Variants in SNRK observed in about 807,000 individuals in gnomAD.
SNRK encodes the protein SNF-related serine/threonine-protein kinase.
In SNRK, 3 loss-of-function variants were observed where a neutral mutation model predicts 48.2. The observed-to-expected ratio is 0.06, with a 90% CI of 0.03 to 0.16. The LOEUF is 0.16. Among genes scored for constraint, SNRK ranks in the 10% least tolerant of loss-of-function variants. The pLI, the probability that SNRK is intolerant of heterozygous loss-of-function variation, is 1.00. For synonymous variants in SNRK, 376 were observed against 366.1 expected (o/e 1.03, Z -0.31); for missense variants, 627 against 976.0 (o/e 0.64, Z 4.76).
Position 43,348,221 on chromosome 3 carries a change from C to T in SNRK, c.1962C>T (p.Leu654=), listed in dbSNP as rs780522476. The T allele has an allele frequency of 1.6e-5, 26 of 1,611,342 alleles. No individual in the cohort carries two copies. The highest frequency in any genetic ancestry group is 1.1e-4 in the South Asian group (10 of 90,720). ...VESLKLMSLC[L]GSQLHGSTKY... is the part of the protein sequence containing the mutation. Reference sequence around the variant, plus strand: ...GCCTCAAACTCATGAGCCTCTGCCTCGGCTCCCAGCTTCATGGGAGCACCA... The same window carrying T: ...GCCTCAAACTCATGAGCCTCTGCCTTGGCTCCCAGCTTCATGGGAGCACCA... The change falls in exon 7 of 7, where the codon CTC becomes CTT. Residue 654 remains leucine, a synonymous_variant. Coordinates refer to ENST00000296088, the MANE Select transcript of SNRK (RefSeq NM_017719.5).
At chr3:43,322,702 G>A (rs940767712) in intron 3 of SNRK, among the ~76,000 whole-genome samples, 5 of 151,942 alleles carry the variant, frequency 3.3e-5, no homozygotes, top group South Asian at 4.1e-4. Context: ...CCTGTAATCC[G>A]AGCACTTTGG....
chr3:43,346,377 C>T (rs2091276207), intron 6 of SNRK, among the ~76,000 whole-genome samples: 1 of 152,072 alleles, frequency 6.6e-6, no homozygotes, highest in Non-Finnish European at 1.5e-5. Flanking sequence ...GACTATACCC[C>T]CCTGGGGAGA....
At chr3:43,339,989 G>T (rs957050709) in intron 4 of SNRK, among the ~76,000 whole-genome samples, 3 of 150,390 alleles carry the variant, frequency 2.0e-5, no homozygotes, top group African/African-American at 7.3e-5. Context: ...ATTTAATTCT[G>T]GTATGTCACT....
intron 1 of SNRK, among the ~76,000 whole-genome samples, chr3:43,288,417 A>T (rs2090782974): frequency 6.6e-6 from 1 of 152,180 alleles, no homozygotes; most frequent in South Asian, 2.1e-4. Context: ...GACCAGAAGT[A>T]TAGGTTGGGT....
chr3:43,292,749 T>C (rs933915545), intron 1 of SNRK, among the ~76,000 whole-genome samples: 9 of 152,258 alleles, frequency 5.9e-5, no homozygotes, highest in Non-Finnish European at 1.3e-4. Context: ...GTCTGTGGGC[T>C]GCACCAGTCC....
At chr3:43,323,275 A>G (rs1027304637) in intron 3 of SNRK, among the ~76,000 whole-genome samples, 5 of 152,266 alleles carry the variant, frequency 3.3e-5, no homozygotes, top group African/African-American at 9.6e-5. Context: ...GGTTAGGCAA[A>G]GATATTTTGT....
At chr3:43,339,511 T>C (rs966952493) in intron 4 of SNRK, among the ~76,000 whole-genome samples, 1 of 151,998 alleles carries the variant, frequency 6.6e-6, no homozygotes, top group African/African-American at 2.4e-5. Flanking sequence ...TTAAATAAAA[T>C]AGTTTCCTAA....
chr3:43,290,403 G>A (rs2090802252), intron 1 of SNRK, among the ~76,000 whole-genome samples: 7 of 152,276 alleles, frequency 4.6e-5, no homozygotes, highest in Admixed American at 3.3e-4. Context: ...TGTTGTAGAT[G>A]TTCCTGTCCT....
Position 43,340,492 on chromosome 3 carries a change from A to C in SNRK, c.937A>C (p.Ile313Leu). The C allele has an allele frequency of 2.5e-6, 4 of 1,614,096 alleles. No individual in the cohort carries two copies. The highest frequency in any genetic ancestry group is 2.5e-6 in the Non-Finnish European group (3 of 1,179,986). ...TGGGGACATAGCGGATCGAGACGCC[A>C]TTGTAGAGTACGTCAATGCCCGTCA... ...VLGDIADRDA[I>L]VEALETNRYN... is the part of the protein sequence containing the mutation. The change falls in exon 5 of 7, where the codon ATT (isoleucine) becomes CTT (leucine). Residue 313 changes from isoleucine to leucine, a missense_variant. Ile to Leu is a conservative substitution (Grantham distance 5). Transcript: ENST00000296088.
chr3:43,290,611 G>A (rs1299889845), intron 1 of SNRK, among the ~76,000 whole-genome samples: 1 of 152,070 alleles, frequency 6.6e-6, no homozygotes, highest in South Asian at 2.1e-4. Context: ...AATTTACCTG[G>A]AGACATTTTC....
At chr3:43,316,964 A>G (rs2091017871) in intron 3 of SNRK, among the ~76,000 whole-genome samples, 1 of 152,002 alleles carries the variant, frequency 6.6e-6, no homozygotes, top group Non-Finnish European at 1.5e-5. Flanking sequence ...GTACCTTTGC[A>G]GTTTTCTAAG....
chr3:43,315,032 C>A (rs1236626290), intron 3 of SNRK: 2 of 152,136 alleles, frequency 1.3e-5, no homozygotes, highest in Non-Finnish European at 2.9e-5. Context: ...CCCAGGAGTT[C>A]TAGGCTGTAG....
chr3:43,330,002 T>C (rs2091134182), intron 3 of SNRK, among the ~76,000 whole-genome samples: 1 of 152,230 alleles, frequency 6.6e-6, no homozygotes, highest in South Asian at 2.1e-4. Context: ...CTAGTTTATG[T>C]ACAGTTATAG....
intron 4 of SNRK, among the ~76,000 whole-genome samples, chr3:43,339,244 A>C (rs1183982241): frequency 6.6e-6 from 1 of 152,152 alleles, no homozygotes; most frequent in Non-Finnish European, 1.5e-5. Flanking sequence ...TGTAGTTAGA[A>C]GATCTAAGTT....
intron 5 of SNRK, among the ~76,000 whole-genome samples, chr3:43,341,352 T>C (rs537603393): frequency 3.5e-4 from 53 of 152,168 alleles, no homozygotes; most frequent in South Asian, 8.3e-4. Context: ...GGAGTTTCAC[T>C]GTGTTAGCCA....
chr3:43,337,179 T>C (rs938723958), intron 4 of SNRK, among the ~76,000 whole-genome samples: 1 of 152,084 alleles, frequency 6.6e-6, no homozygotes, highest in Non-Finnish European at 1.5e-5. Context: ...GTTCAAGTGA[T>C]TCTCATGCCT....
chr3:43,291,768 C>A (rs2090814207), intron 1 of SNRK, among the ~76,000 whole-genome samples: 1 of 152,164 alleles, frequency 6.6e-6, no homozygotes, highest in Admixed American at 6.5e-5. Flanking sequence ...TCTGATCATT[C>A]CTGAAGTGTA....
intron 1 of SNRK, among the ~76,000 whole-genome samples, chr3:43,291,812 A>G (rs1420898685): frequency 2.0e-5 from 3 of 152,196 alleles, no homozygotes; most frequent in Non-Finnish European, 2.9e-5. Flanking sequence ...AAAGTTAACT[A>G]TGTGGTACTT....
chr3:43,298,495 C>T (rs2090873959), intron 1 of SNRK, among the ~76,000 whole-genome samples: 1 of 152,156 alleles, frequency 6.6e-6, no homozygotes, highest in South Asian at 2.1e-4. Context: ...AACTGTTGCT[C>T]CACATTCCCT....
Sources: gnomAD v4.1 joint callset for allele counts (sites outside exome capture counted in the v4.1 genomes callset) on GRCh38, gnomAD v4.1.1 for gene constraint, MANE v1.5 for transcripts, NCBI Gene and HGNC (gene_info 2026-07-23, HGNC 2026-07-21) for gene names.